The following OTOGL variants were observed in gnomAD, a reference collection of about 807,000 sequenced individuals.
OTOGL encodes otogelin like.
OTOGL carries 285 observed loss-of-function variants against 318.5 expected under a neutral mutation model. That is an observed-to-expected ratio of 0.89 (90% CI 0.81 to 0.99). The LOEUF (loss-of-function observed/expected upper bound fraction) is 0.99. Among genes scored for constraint, OTOGL ranks in the 50% least tolerant of loss-of-function variants. OTOGL has a pLI of 0.00. For missense variants in OTOGL, 2,899 were observed against 2,845.6 expected (o/e 1.02, Z -0.43); for synonymous variants, 987 against 936.5 (o/e 1.05, Z -0.99).
intron 3 of OTOGL, 150 bp from the exon 4 acceptor site, chr12:80,211,799 G>A: frequency 3.1e-6 from 2 of 638,160 alleles, no homozygotes; most frequent in Non-Finnish European, 5.3e-6. Flanking sequence ...CCAGAAAGGG[G>A]AGGGAGGACT....
chr12:80,158,694 C>G (rs1873292820), intron 1 of OTOGL, among the ~76,000 whole-genome samples: 1 of 151,990 alleles, frequency 6.6e-6, no homozygotes, highest in South Asian at 2.1e-4. Context: ...TATCCTGAAA[C>G]TTTTCTGAAT....
At chr12:80,185,007 G>A (rs909333739) in intron 1 of OTOGL, among the ~76,000 whole-genome samples, 5 of 152,122 alleles carry the variant, frequency 3.3e-5, no homozygotes, top group African/African-American at 9.7e-5. Context: ...TTAGAAAAAC[G>A]AAGTAGTATA....
chr12:80,356,556 C>A, intron 48 of OTOGL, 36 bp downstream of exon 48: 1 of 1,447,138 alleles, frequency 6.9e-7, no homozygotes. Context: ...GAGTGAGGTT[C>A]ATTGTTCATT....
intron 18 of OTOGL, 39 bp from the exon 19 acceptor site, chr12:80,261,930 G>T: frequency 1.3e-6 from 2 of 1,595,764 alleles, no homozygotes; most frequent in South Asian, 2.3e-5. Flanking sequence ...ACAAATGAAT[G>T]AGAGATACAT....
chr12:80,221,941 T>G, intron 6 of OTOGL, 150 bp from the exon 7 acceptor site: 1 of 785,582 alleles, frequency 1.3e-6, no homozygotes, highest in Non-Finnish European at 1.9e-6. Context: ...TGAGAGCAAC[T>G]GTTAATTTTA....
chr12:80,346,831 A>G (rs1237966633), intron 44 of OTOGL, among the ~76,000 whole-genome samples: 2 of 152,176 alleles, frequency 1.3e-5, no homozygotes, highest in Non-Finnish European at 2.9e-5. Flanking sequence ...TTAAGGACCA[A>G]TTAGATGTTA....
chr12:80,335,746 C>T (rs926502587), intron 38 of OTOGL, among the ~76,000 whole-genome samples: 3 of 151,914 alleles, frequency 2.0e-5, no homozygotes, highest in Non-Finnish European at 4.4e-5. Context: ...ATCTAATGTC[C>T]AATCAATATT....
chr12:80,210,730 A>C, intron 2 of OTOGL, 117 bp from the exon 3 acceptor site: 1 of 761,938 alleles, frequency 1.3e-6, no homozygotes, highest in Admixed American at 3.6e-5. Context: ...CAAAACTAAC[A>C]GCAAACTTCA....
intron 1 of OTOGL, among the ~76,000 whole-genome samples, chr12:80,203,181 C>G (rs572100322): frequency 2.6e-5 from 4 of 152,172 alleles, no homozygotes; most frequent in African/African-American, 7.2e-5. Context: ...ATCTGGATAC[C>G]AGGAGGCTGA....
intron 1 of OTOGL, among the ~76,000 whole-genome samples, chr12:80,140,371 A>G (rs1164443123): frequency 6.6e-6 from 1 of 152,212 alleles, no homozygotes; most frequent in Non-Finnish European, 1.5e-5. Flanking sequence ...CTTTTGAAAC[A>G]GATTGCTTTT....
chr12:80,369,584 A>G (rs1890756442), intron 55 of OTOGL, among the ~76,000 whole-genome samples: 1 of 152,110 alleles, frequency 6.6e-6, no homozygotes, highest in Non-Finnish European at 1.5e-5. Context: ...GCCTTATGAT[A>G]CAAAGTGTTT....
Position 80,233,110 on chromosome 12 carries a change from G to C in OTOGL, c.817+13G>C. 1 of 1,573,178 alleles carries C rather than the reference G, an allele frequency of 6.4e-7. No homozygotes were observed. The highest frequency in any genetic ancestry group is 1.7e-5 in the Admixed American group (1 of 59,538). ...ATAATTCTGCAAGGTAAGTGAAGCAGAATAAATGTGTGGGTACCTTCTAAA... is the reference window on the plus strand; with the variant it reads ...ATAATTCTGCAAGGTAAGTGAAGCACAATAAATGTGTGGGTACCTTCTAAA... On this transcript the variant is annotated intron_variant, in intron 9 of 58. Transcript: ENST00000547103.
rs7312569 is a variant in OTOGL, at chr12:80,353,429, C to T, written c.5512C>T (p.Leu1838=). Residue 1838 remains leucine, a synonymous_variant, in exon 46 of 59, where the codon CTA becomes TTA. Coordinates refer to ENST00000547103, the MANE Select transcript of OTOGL (RefSeq NM_001378609.3). The part of the protein sequence containing the change: ...WFYGHTSCLN[L]REDCVCKVGT... ...CTATGGACACACTTCCTGTTTGAAT[C>T]TAAGAGAAGACTGTGTGTGCAAAGT... is the stretch of plus-strand genomic sequence containing the variant. 1 of 1,602,692 alleles carries T rather than the reference C, an allele frequency of 6.2e-7. No homozygotes were observed. The highest frequency in any genetic ancestry group is 8.5e-7 in the Non-Finnish European group (1 of 1,173,960).
intron 1 of OTOGL, among the ~76,000 whole-genome samples, chr12:80,136,280 C>T (rs1871564964): frequency 6.6e-6 from 1 of 152,066 alleles, no homozygotes; most frequent in Non-Finnish European, 1.5e-5. Context: ...AGTGATCTAC[C>T]CAGTGGTAAA....
chr12:80,106,982 C>T (rs1256641204), intron 1 of OTOGL, among the ~76,000 whole-genome samples: 3 of 151,264 alleles, frequency 2.0e-5, no homozygotes, highest in Non-Finnish European at 4.4e-5. Flanking sequence ...TTACATGTAC[C>T]AAAAATGTGT....
chr12:80,225,960 C>CA (rs1453330125), intron 7 of OTOGL, among the ~76,000 whole-genome samples: 1 of 151,836 alleles, frequency 6.6e-6, no homozygotes, highest in African/African-American at 2.4e-5. Flanking sequence ...GAATATATGG[C>CA]AAAAAATAGC....
At chr12:80,216,605 T>C (rs766728728) in intron 4 of OTOGL, among the ~76,000 whole-genome samples, 5 of 152,220 alleles carry the variant, frequency 3.3e-5, no homozygotes, top group African/African-American at 1.2e-4. Flanking sequence ...TGAGGCACTA[T>C]GTATGTAAGC....
In OTOGL at chr12:80,210,905, T is replaced by C; in HGVS notation, c.119+19T>C. ...CATCAAAGTGAGTATTTCTTGTTCT[T>C]CGTGTCCTCTAAAACATAAAGTTAA... On this transcript the variant is annotated intron_variant, in intron 3 of 58. Transcript: ENST00000547103. The C allele has an allele frequency of 6.9e-7, 1 of 1,456,156 alleles. No individual in the cohort carries two copies. Among genetic ancestry groups the C allele is most frequent in the Non-Finnish European group, 9.2e-7 (1 of 1,092,332 alleles). 90.2% of individuals were successfully genotyped at this position (1,456,156 alleles called of 1,614,324 possible).
intron 1 of OTOGL, among the ~76,000 whole-genome samples, chr12:80,137,186 CA>C (rs1468546062): frequency 6.6e-6 from 1 of 151,898 alleles, no homozygotes; most frequent in African/African-American, 2.4e-5. Context: ...TGTAGCTATC[CA>C]AAAGCTCTAT....
Sources: allele counts gnomAD v4.1 joint callset (sites outside exome capture counted in the v4.1 genomes callset), GRCh38; gene constraint gnomAD v4.1.1; transcripts MANE v1.5; gene names NCBI Gene and HGNC (gene_info 2026-07-23, HGNC 2026-07-21).